The following CLIP2 variants were observed in gnomAD, a reference collection of about 807,000 sequenced individuals.
CLIP2 encodes CAP-Gly domain containing linker protein 2.
CLIP2 carries 41 observed loss-of-function variants against 111.7 expected under a neutral mutation model. The observed-to-expected ratio is 0.37, with a 90% CI of 0.29 to 0.48. The LOEUF (loss-of-function observed/expected upper bound fraction) is 0.48, where lower values mean the gene tolerates loss of function less well. Ranked by LOEUF, CLIP2 falls within the 20% of genes least tolerant of loss-of-function variation. CLIP2 has a pLI of 0.99. For missense variants in CLIP2, 1,160 were observed against 1,422.1 expected (o/e 0.82, Z 2.96); for synonymous variants, 660 against 644.2 (o/e 1.02, Z -0.37).
At chr7:74,327,645 C>A (rs182532802) in intron 2 of CLIP2, among the ~76,000 whole-genome samples, 1 of 152,212 alleles carries the variant, frequency 6.6e-6, no homozygotes, top group Non-Finnish European at 1.5e-5. Flanking sequence ...GGCAACTTCT[C>A]GGCTCTCCAC....
intron 9 of CLIP2, among the ~76,000 whole-genome samples, chr7:74,373,471 C>G (rs1790694259): frequency 6.6e-6 from 1 of 152,064 alleles, no homozygotes. Flanking sequence ...GCACTCCAGC[C>G]TGGGTGACAG....
intron 6 of CLIP2, among the ~76,000 whole-genome samples, chr7:74,357,945 C>T (rs568160520): frequency 4.0e-5 from 6 of 150,508 alleles, no homozygotes; most frequent in East Asian, 3.9e-4. Flanking sequence ...TTAGTAGAGA[C>T]GGGGTTTCAC....
intron 8 of CLIP2, among the ~76,000 whole-genome samples, chr7:74,369,434 T>C (rs143278869): frequency 6.6e-6 from 1 of 152,026 alleles, no homozygotes; most frequent in African/African-American, 2.4e-5. Flanking sequence ...TCCCAGCTAC[T>C]TGGGGGGCTG....
intron 4 of CLIP2, among the ~76,000 whole-genome samples, chr7:74,355,877 T>C (rs1219319652): frequency 6.6e-6 from 1 of 152,168 alleles, no homozygotes; most frequent in Non-Finnish European, 1.5e-5. Flanking sequence ...CTGATGGGAA[T>C]CCTTCATTCT....
intron 9 of CLIP2, among the ~76,000 whole-genome samples, 200 bp from the exon 10 acceptor site, chr7:74,375,687 C>G (rs1407840172): frequency 6.6e-6 from 1 of 150,460 alleles, no homozygotes; most frequent in African/African-American, 2.4e-5. Flanking sequence ...GGAAGTCTTT[C>G]TGGATACTGT....
chr7:74,388,280 C>T (rs1250763646), intron 12 of CLIP2, among the ~76,000 whole-genome samples: 3 of 151,608 alleles, frequency 2.0e-5, no homozygotes, highest in Admixed American at 6.6e-5. Context: ...TGCAATAAGT[C>T]GAGATTGTGC....
chr7:74,338,455 A>G lies in CLIP2; in HGVS notation c.129A>G (p.Pro43=). The G allele has an allele frequency of 6.2e-7, 1 of 1,612,474 alleles. No homozygotes were observed. The highest frequency in any genetic ancestry group is 2.2e-5 in the East Asian group (1 of 44,856). ...AVAASSKEGS[P]LHKQSSGPSS... is the part of the protein sequence containing the mutation. ...CCCTCTCCTTCTCTGCAGGCTCCCC[A>G]CTGCACAAACAGTCATCTGGACCCT... The change falls in exon 3 of 17, where the codon CCA becomes CCG. Residue 43 remains proline, a synonymous_variant. Coordinates refer to ENST00000223398, the MANE Select transcript of CLIP2 (RefSeq NM_003388.5). The surrounding 1 kb of genome is among the most constrained non-coding windows in gnomAD (Gnocchi z 4.3).
intron 3 of CLIP2, among the ~76,000 whole-genome samples, chr7:74,345,453 G>A (rs1554306070): frequency 6.6e-6 from 1 of 151,776 alleles, no homozygotes; most frequent in Non-Finnish European, 1.5e-5. Flanking sequence ...GGATGGTCTT[G>A]AACTCCTGGC....
intron 1 of CLIP2, among the ~76,000 whole-genome samples, chr7:74,302,509 T>C (rs1269472823): frequency 6.6e-6 from 1 of 152,118 alleles, no homozygotes; most frequent in East Asian, 1.9e-4. Flanking sequence ...CCTCTAAAAC[T>C]GAGGAACCAC....
intron 1 of CLIP2, among the ~76,000 whole-genome samples, chr7:74,300,353 T>G (rs1788299106): frequency 6.6e-6 from 1 of 152,162 alleles, no homozygotes; most frequent in Non-Finnish European, 1.5e-5. Context: ...TACCCACTGT[T>G]TAGCTCCCAC....
intron 2 of CLIP2, among the ~76,000 whole-genome samples, chr7:74,327,035 ACT>A (rs376692546): frequency 9.2e-4 from 140 of 152,184 alleles, no homozygotes; most frequent in African/African-American, 3.1e-3. Context: ...GGTTCAAGAA[ACT>A]CTCATATATT....
intron 15 of CLIP2, 84 bp downstream of exon 15, chr7:74,400,639 T>C (rs1791593450): frequency 5.9e-6 from 8 of 1,354,302 alleles, no homozygotes; most frequent in Non-Finnish European, 6.9e-6. Flanking sequence ...GGAGGCAGCC[T>C]TGTCTTTAAA....
intron 13 of CLIP2, among the ~76,000 whole-genome samples, chr7:74,393,176 C>T (rs1791345779): frequency 6.6e-6 from 1 of 151,566 alleles, no homozygotes; most frequent in South Asian, 2.1e-4. Context: ...GCTGGGATTA[C>T]AGGCGCCCAT....
intron 1 of CLIP2, among the ~76,000 whole-genome samples, chr7:74,310,588 T>C (rs1345791801): frequency 6.6e-6 from 1 of 152,196 alleles, no homozygotes; most frequent in Non-Finnish European, 1.5e-5. Flanking sequence ...CACTGGTTGA[T>C]GGAGATTTTA....
intron 6 of CLIP2, among the ~76,000 whole-genome samples, chr7:74,359,408 CA>C (rs1321354407): frequency 7.0e-6 from 1 of 143,690 alleles, no homozygotes; most frequent in African/African-American, 2.6e-5. Flanking sequence ...GGCTGGAGTG[CA>C]GTAGTGTGAT....
chr7:74,385,152 G>A (rs953495759), intron 11 of CLIP2, among the ~76,000 whole-genome samples: 4 of 148,448 alleles, frequency 2.7e-5, no homozygotes, highest in East Asian at 2.0e-4. Flanking sequence ...AAAGTTAGCC[G>A]GGTGTGGTGA....
At chr7:74,321,538 C>T (rs782364479) in intron 2 of CLIP2, among the ~76,000 whole-genome samples, 2 of 152,010 alleles carry the variant, frequency 1.3e-5, no homozygotes, top group African/African-American at 2.4e-5. Flanking sequence ...GGTGCGATCT[C>T]GGCTCACTGC....
intron 7 of CLIP2, among the ~76,000 whole-genome samples, chr7:74,363,343 C>T (rs1216772167): frequency 6.6e-6 from 1 of 152,130 alleles, no homozygotes; most frequent in Non-Finnish European, 1.5e-5. Flanking sequence ...TGGGGTGGGC[C>T]TGTGTCTCTC....
intron 9 of CLIP2, 125 bp from the exon 10 acceptor site, chr7:74,375,762 A>G (rs2116654526): frequency 2.7e-6 from 2 of 743,614 alleles, no homozygotes; most frequent in Non-Finnish European, 4.2e-6. Flanking sequence ...CCTTCCCATG[A>G]CCTCCACCTG....
Sources: gnomAD v4.1 joint callset for allele counts (sites outside exome capture counted in the v4.1 genomes callset) on GRCh38, gnomAD v4.1.1 for gene constraint, Gnocchi (gnomAD v3.1) non-coding constraint, MANE v1.5 for transcripts, NCBI Gene and HGNC (gene_info 2026-07-23, HGNC 2026-07-21) for gene names.